The following MTHFD1L variants were observed in gnomAD, a reference collection of about 807,000 sequenced individuals.
MTHFD1L encodes monofunctional C1-tetrahydrofolate synthase, mitochondrial.
Under a neutral mutation model 119.5 loss-of-function variants are expected in MTHFD1L, and 81 were observed. The ratio of observed to expected loss-of-function variants is 0.68; its 90% CI spans 0.57 to 0.82. MTHFD1L has a LOEUF of 0.82. Ranked by LOEUF, MTHFD1L falls within the 40% of genes least tolerant of loss-of-function variation. MTHFD1L has a pLI of 0.00. For synonymous variants in MTHFD1L, 430 were observed against 475.2 expected (o/e 0.90, Z 1.24); for missense variants, 1,125 against 1,253.4 (o/e 0.90, Z 1.55).
chr6:150,948,322 T>G (rs1187987581), intron 15 of MTHFD1L, among the ~76,000 whole-genome samples: 1 of 151,562 alleles, frequency 6.6e-6, no homozygotes, highest in Non-Finnish European at 1.5e-5. Context: ...TTGATTTTTG[T>G]TTTTTGGTTT....
chr6:151,013,094 C>G (rs1782538116), intron 21 of MTHFD1L, among the ~76,000 whole-genome samples: 1 of 152,156 alleles, frequency 6.6e-6, no homozygotes, highest in African/African-American at 2.4e-5. Flanking sequence ...TAAGATTAAC[C>G]ACAAGGCCAG....
Position 151,036,361 on chromosome 6 carries a change from CTG to C in MTHFD1L, c.2695-601_2695-600del, listed in dbSNP as rs371885595. Among the ~76,000 whole-genome samples the C allele has an allele frequency of 3.0e-4, 45 of 152,332 alleles. No homozygotes were observed. The East Asian group carries it at 7.1e-3, about 24-fold the overall frequency. ...TAATCAGAACCAGGCTTTGAGGACACTGTGCTTTTTGTGAGACACCACATGTG... is the reference window on the plus strand; with the variant it reads ...TAATCAGAACCAGGCTTTGAGGACACTGCTTTTTGTGAGACACCACATGTG... On this transcript the variant is annotated intron_variant, in intron 25 of 27. Coordinates refer to ENST00000367321, the MANE Select transcript of MTHFD1L (RefSeq NM_015440.5).
intron 25 of MTHFD1L, among the ~76,000 whole-genome samples, 162 bp from the exon 26 acceptor site, chr6:151,036,803 C>T (rs1786239186): frequency 6.6e-6 from 1 of 152,230 alleles, no homozygotes; most frequent in Non-Finnish European, 1.5e-5. Flanking sequence ...TTTATCCTCA[C>T]CTTCTTGCTT....
At chr6:150,924,263 C>T (rs1278792911) in intron 10 of MTHFD1L, among the ~76,000 whole-genome samples, 1 of 152,200 alleles carries the variant, frequency 6.6e-6, no homozygotes, top group East Asian at 1.9e-4. Context: ...CTCTGTTGCC[C>T]AGGCTGGAGT....
intron 26 of MTHFD1L, among the ~76,000 whole-genome samples, chr6:151,038,490 C>T (rs1786550745): frequency 6.6e-6 from 1 of 151,698 alleles, no homozygotes; most frequent in Admixed American, 6.6e-5. Context: ...TCTTGAAGAC[C>T]ATCTCATGGA....
chr6:151,092,642 T>C, intron 27 of MTHFD1L, 55 bp downstream of exon 27: 2 of 1,089,444 alleles, frequency 1.8e-6, no homozygotes, highest in South Asian at 1.5e-5. Flanking sequence ...GTTCATATCC[T>C]TTTTTTGTCA....
At chr6:150,914,071 AGTGAG>A (rs1422951088) in intron 8 of MTHFD1L, among the ~76,000 whole-genome samples, 2 of 152,220 alleles carry the variant, frequency 1.3e-5, no homozygotes, top group Non-Finnish European at 2.9e-5. Flanking sequence ...CGGAGGCTGC[AGTGAG>A]CCAAGATCGC....
intron 1 of MTHFD1L, among the ~76,000 whole-genome samples, chr6:150,870,835 C>T (rs1445046502): frequency 1.3e-5 from 2 of 151,154 alleles, no homozygotes; most frequent in African/African-American, 2.4e-5. Context: ...CGCTTTAACC[C>T]GGGAGGTGGA....
At chr6:151,037,451 A>G (rs1354900851) in intron 26 of MTHFD1L, among the ~76,000 whole-genome samples, 1 of 152,162 alleles carries the variant, frequency 6.6e-6, no homozygotes, top group Non-Finnish European at 1.5e-5. Flanking sequence ...TTTATCACAC[A>G]TAGCACCCAA....
chr6:151,078,854 G>A (rs377125833), intron 26 of MTHFD1L, among the ~76,000 whole-genome samples: 11 of 152,206 alleles, frequency 7.2e-5, no homozygotes, highest in African/African-American at 2.6e-4. Context: ...GGGAGTCGCC[G>A]CCACAGTGTG....
In MTHFD1L at chr6:151,039,888, C is replaced by T. The variant is rs1786798562; in HGVS notation, c.2847+2771C>T. ...CAAGATTGCGCCATTGCACTTCAGC[C>T]TGGGTGACAGAGCAAGACTTCATCT... On this transcript the variant is annotated intron_variant, in intron 26 of 27. Coordinates refer to ENST00000367321, the MANE Select transcript of MTHFD1L (RefSeq NM_015440.5). The surrounding 1 kb of genome is among the most constrained non-coding windows in gnomAD (Gnocchi z 4.4). 6.6e-6 allele frequency among the ~76,000 whole-genome samples: 1 copy of T among 152,016 alleles called. No homozygotes were observed. Among genetic ancestry groups the T allele is most frequent in the Non-Finnish European group, 1.5e-5 (1 of 68,036 alleles).
chr6:151,033,598 A>G (rs1785668674), intron 24 of MTHFD1L, among the ~76,000 whole-genome samples: 1 of 151,954 alleles, frequency 6.6e-6, no homozygotes. Flanking sequence ...ACATTATGGA[A>G]ATCTTCTCCT....
chr6:150,907,500 G>C (rs1786129604), intron 8 of MTHFD1L, among the ~76,000 whole-genome samples: 1 of 152,178 alleles, frequency 6.6e-6, no homozygotes, highest in South Asian at 2.1e-4. Flanking sequence ...GATGGGATGT[G>C]AAAACAGAAA....
chr6:150,908,041 G>A (rs1179564068), intron 8 of MTHFD1L, among the ~76,000 whole-genome samples: 3 of 150,770 alleles, frequency 2.0e-5, no homozygotes, highest in South Asian at 2.1e-4. Context: ...AGGATTACAG[G>A]TCCCTGTCAC....
chr6:151,099,477 C>A, intron 27 of MTHFD1L: 4 of 1,130,358 alleles, frequency 3.5e-6, no homozygotes, highest in Non-Finnish European at 5.3e-6. Flanking sequence ...GCCCTTCTCT[C>A]TTCCTCGGCG....
rs75849118 is a variant in MTHFD1L at position 150,964,652 on chromosome 6, C to G, written c.1945-317C>G. Among the ~76,000 whole-genome samples, 329 of 152,232 alleles carry G rather than the reference C, an allele frequency of 2.2e-3. 2 individuals carry two copies. The highest frequency in any genetic ancestry group is 7.7e-3 in the African/African-American group (319 of 41,548). On this transcript the variant is annotated intron_variant, in intron 18 of 27. Transcript: ENST00000367321. The stretch of plus-strand genomic sequence containing the variant: ...TGAAAATACACTGTGCATAAATAGC[C>G]AGAAAACACATTTTCTTGCAATGAA...
intron 20 of MTHFD1L, among the ~76,000 whole-genome samples, chr6:150,978,601 G>C (rs1057069806): frequency 6.6e-6 from 1 of 152,164 alleles, no homozygotes; most frequent in Non-Finnish European, 1.5e-5. Flanking sequence ...GCAGTTCCAA[G>C]ACAAATTGAA....
chr6:151,083,330 T>C, intron 26 of MTHFD1L, among the ~76,000 whole-genome samples: 1 of 152,100 alleles, frequency 6.6e-6, no homozygotes, highest in South Asian at 2.1e-4. Flanking sequence ...CCCGAGTAGC[T>C]GAGATTACAG....
chr6:151,079,341 G>A (rs746413367), intron 26 of MTHFD1L, among the ~76,000 whole-genome samples: 59 of 152,122 alleles, frequency 3.9e-4, no homozygotes, highest in Non-Finnish European at 7.1e-4. Flanking sequence ...GGACAGCAGC[G>A]AAAGGCAAAA....
Sources: gnomAD v4.1 joint callset for allele counts (sites outside exome capture counted in the v4.1 genomes callset) on GRCh38, gnomAD v4.1.1 for gene constraint, Gnocchi (gnomAD v3.1) non-coding constraint, MANE v1.5 for transcripts, NCBI Gene and HGNC (gene_info 2026-07-23, HGNC 2026-07-21) for gene names.